The following ADGRB3 variants were observed in gnomAD, a reference collection of about 807,000 sequenced individuals.
The protein encoded by ADGRB3 is brain-specific angiogenesis inhibitor 3.
A neutral mutation model predicts 193.4 loss-of-function variants in ADGRB3; 37 were observed. That is an observed-to-expected ratio of 0.19 (90% CI 0.15 to 0.25). The LOEUF (loss-of-function observed/expected upper bound fraction) is 0.25. ADGRB3 is among the 10% of genes least tolerant of loss of function. The pLI is 1.00. For missense variants in ADGRB3, 1,637 were observed against 1,852.9 expected, an observed-to-expected ratio of 0.88 and a Z score of 2.14; for synonymous variants, 690 against 644.2, an observed-to-expected ratio of 1.07 and a Z score of -1.08.
intron 3 of ADGRB3, among the ~76,000 whole-genome samples, chr6:68,887,097 G>A (rs1395636073): frequency 6.6e-6 from 1 of 151,682 alleles, no homozygotes; most frequent in Non-Finnish European, 1.5e-5. Context: ...ATACATATAT[G>A]TGGGTATTAA....
intron 31 of ADGRB3, among the ~76,000 whole-genome samples, chr6:69,388,402 T>A (rs773448227): frequency 2.6e-5 from 4 of 152,080 alleles, no homozygotes; most frequent in African/African-American, 4.8e-5. Context: ...CAACATATGG[T>A]CATACTGACA....
chr6:69,262,282 A>G (rs905108924), intron 20 of ADGRB3, among the ~76,000 whole-genome samples: 1 of 152,048 alleles, frequency 6.6e-6, no homozygotes, highest in Non-Finnish European at 1.5e-5. Flanking sequence ...GTTTTTTTCT[A>G]AACATATTTC....
At chr6:68,873,262 A>G (rs1023819382) in intron 3 of ADGRB3, among the ~76,000 whole-genome samples, 2 of 151,006 alleles carry the variant, frequency 1.3e-5, no homozygotes, top group Admixed American at 1.3e-4. Context: ...GTATAATTCC[A>G]AGCCAGTCTC....
intron 3 of ADGRB3, among the ~76,000 whole-genome samples, chr6:68,711,343 CA>C (rs1346676129): frequency 6.6e-6 from 1 of 151,970 alleles, no homozygotes; most frequent in Non-Finnish European, 1.5e-5. Flanking sequence ...TTTTCAAAAA[CA>C]ATATCTATTT....
At chr6:68,857,661 A>G (rs1226147948) in intron 3 of ADGRB3, among the ~76,000 whole-genome samples, 3 of 152,242 alleles carry the variant, frequency 2.0e-5, no homozygotes, top group Non-Finnish European at 4.4e-5. Context: ...GACTTGTCTC[A>G]GATGAGACTT....
chr6:69,199,391 A>G (rs1325022336), intron 17 of ADGRB3, among the ~76,000 whole-genome samples: 1 of 152,118 alleles, frequency 6.6e-6, no homozygotes, highest in Non-Finnish European at 1.5e-5. Context: ...ATTGATAGAT[A>G]GGGATAGTAG....
At chr6:69,091,959 T>A (rs1020323319) in intron 17 of ADGRB3, among the ~76,000 whole-genome samples, 1 of 152,174 alleles carries the variant, frequency 6.6e-6, no homozygotes, top group African/African-American at 2.4e-5. Context: ...TCTGTTTAAG[T>A]TCCTCCAAAG....
chr6:69,180,863 C>T (rs1775561822), intron 17 of ADGRB3, among the ~76,000 whole-genome samples: 1 of 152,206 alleles, frequency 6.6e-6, no homozygotes, highest in Non-Finnish European at 1.5e-5. Flanking sequence ...CACAGAATGG[C>T]TGATTTTGTA....
At chr6:68,966,071 T>C (rs909606689) in intron 8 of ADGRB3, among the ~76,000 whole-genome samples, 2 of 152,170 alleles carry the variant, frequency 1.3e-5, no homozygotes, top group African/African-American at 4.8e-5. Context: ...CATCTCTTCC[T>C]CACATGTTGT....
chr6:69,099,502 T>TACA (rs1772972960), intron 17 of ADGRB3, among the ~76,000 whole-genome samples: 1 of 152,210 alleles, frequency 6.6e-6, no homozygotes, highest in Non-Finnish European at 1.5e-5. Context: ...TATGCATGAG[T>TACA]ACAAAGTTTC....
At chr6:69,220,402 C>A (rs1262809231) in intron 17 of ADGRB3, among the ~76,000 whole-genome samples, 1 of 152,092 alleles carries the variant, frequency 6.6e-6, no homozygotes, top group African/African-American at 2.4e-5. Flanking sequence ...AAAAATTAGC[C>A]ACTCCTGGAT....
intron 17 of ADGRB3, among the ~76,000 whole-genome samples, chr6:69,210,212 C>T (rs1403890051): frequency 1.5e-5 from 2 of 131,720 alleles, no homozygotes; most frequent in African/African-American, 6.0e-5. Context: ...CACAAGGTCC[C>T]ACAATAGGTC....
At chr6:69,123,160 A>T (rs1358460033) in intron 17 of ADGRB3, among the ~76,000 whole-genome samples, 1 of 152,148 alleles carries the variant, frequency 6.6e-6, no homozygotes, top group African/African-American at 2.4e-5. Context: ...AAAGGGATAA[A>T]TATGCACAAT....
chr6:69,050,088 A>C (rs994632148), intron 15 of ADGRB3, among the ~76,000 whole-genome samples: 5 of 152,228 alleles, frequency 3.3e-5, no homozygotes, highest in African/African-American at 1.2e-4. Flanking sequence ...ATACGATCAC[A>C]GTTGGACTTC....
chr6:68,820,246 A>G lies in ADGRB3; in HGVS notation c.758-110313A>G, dbSNP rs140640283. The stretch of plus-strand genomic sequence containing the variant: ...AACTCTCCTTCCACTGTTATAATTT[A>G]TTAAAATAATTTTCTTTCTCCCTCC... On this transcript the variant is annotated intron_variant, in intron 3 of 31. Transcript: ENST00000370598. Among the ~76,000 whole-genome samples, 448 of 152,038 alleles carry G rather than the reference A, an allele frequency of 2.9e-3. 1 individual carries two copies. The highest frequency in any genetic ancestry group is 0.011 in the African/African-American group (441 of 41,504).
chr6:69,200,684 C>T (rs1260746091), intron 17 of ADGRB3, among the ~76,000 whole-genome samples: 1 of 152,068 alleles, frequency 6.6e-6, no homozygotes. Context: ...TCAGCTGCAT[C>T]TCCCTGGAGT....
At chr6:69,031,533 C>CTT (rs1227147902) in intron 13 of ADGRB3, among the ~76,000 whole-genome samples, 1 of 56,026 alleles carries the variant, frequency 1.8e-5, no homozygotes, top group East Asian at 4.3e-3. Flanking sequence ...TTCTTTCTTT[C>CTT]TTTCTTTCTT....
At chr6:69,054,632 A>G (rs1164224623) in intron 15 of ADGRB3, among the ~76,000 whole-genome samples, 1 of 152,186 alleles carries the variant, frequency 6.6e-6, no homozygotes, top group Non-Finnish European at 1.5e-5. Context: ...AGTATAAAAT[A>G]TTGTGGTGTT....
At chr6:68,726,028 TA>T (rs1043635477) in intron 3 of ADGRB3, among the ~76,000 whole-genome samples, 1 of 142,088 alleles carries the variant, frequency 7.0e-6, no homozygotes, top group Non-Finnish European at 1.5e-5. Context: ...AGGAAGCTAA[TA>T]ATATTATTGG....
Sources: gnomAD v4.1 joint callset for allele counts (sites outside exome capture counted in the v4.1 genomes callset) on GRCh38, gnomAD v4.1.1 for gene constraint, MANE v1.5 for transcripts, NCBI Gene and HGNC (gene_info 2026-07-23, HGNC 2026-07-21) for gene names.